Variants in TTC28 observed in about 807,000 individuals in gnomAD.
The protein encoded by TTC28 is tetratricopeptide repeat protein 28.
In TTC28, 61 loss-of-function variants were observed where a neutral mutation model predicts 198.0. That is an observed-to-expected ratio of 0.31 (90% CI 0.25 to 0.38). TTC28 has a LOEUF of 0.38. Among genes scored for constraint, TTC28 ranks in the 10% least tolerant of loss-of-function variants. TTC28 has a pLI of 1.00. For missense variants in TTC28, 2,678 were observed against 3,164.0 expected, an observed-to-expected ratio of 0.85 and a Z score of 3.69; for synonymous variants, 1,171 against 1,297.8, an observed-to-expected ratio of 0.90 and a Z score of 2.10.
At chr22:28,133,751 G>A (rs2146968912) in intron 6 of TTC28, among the ~76,000 whole-genome samples, 1 of 152,328 alleles carries the variant, frequency 6.6e-6, no homozygotes, top group East Asian at 1.9e-4. Context: ...GCTCAAGGAG[G>A]CCTGCCTGCC....
At chr22:28,214,051 T>C (rs977127719) in intron 5 of TTC28, among the ~76,000 whole-genome samples, 8 of 152,128 alleles carry the variant, frequency 5.3e-5, no homozygotes, top group Non-Finnish European at 1.0e-4. Context: ...GTTTAATAAA[T>C]GGTGCTGGGA....
At chr22:28,452,082 T>C (rs1230111050) in intron 2 of TTC28, among the ~76,000 whole-genome samples, 2 of 152,056 alleles carry the variant, frequency 1.3e-5, no homozygotes, top group Admixed American at 1.3e-4. Context: ...GCTTATTGAC[T>C]TGTGTGTTTT....
At chr22:28,658,146 A>G (rs1250959031) in intron 1 of TTC28, among the ~76,000 whole-genome samples, 1 of 152,210 alleles carries the variant, frequency 6.6e-6, no homozygotes. Flanking sequence ...ACAAAAAGTA[A>G]TAAAATATTA....
chr22:28,260,425 A>G (rs902700088), intron 5 of TTC28, among the ~76,000 whole-genome samples: 1 of 152,152 alleles, frequency 6.6e-6, no homozygotes, highest in African/African-American at 2.4e-5. Context: ...ACTAGAGAGG[A>G]ACCTTAACAG....
intron 6 of TTC28, among the ~76,000 whole-genome samples, chr22:28,162,836 G>A (rs1248336485): frequency 6.6e-6 from 1 of 152,148 alleles, no homozygotes; most frequent in Admixed American, 6.5e-5. Flanking sequence ...TGTCGTCCCA[G>A]CTACTCGGGA....
intron 6 of TTC28, among the ~76,000 whole-genome samples, chr22:28,153,244 A>T (rs530454268): frequency 8.0e-4 from 122 of 152,046 alleles, no homozygotes; most frequent in Admixed American, 2.9e-3. Context: ...AAATAAGAGG[A>T]ATAATATATA....
intron 2 of TTC28, among the ~76,000 whole-genome samples, chr22:28,348,884 C>A (rs1156860332): frequency 1.3e-5 from 2 of 152,192 alleles, no homozygotes; most frequent in Admixed American, 6.5e-5. Context: ...AAAGAATCGT[C>A]CCAGTCCTTT....
intron 2 of TTC28, among the ~76,000 whole-genome samples, chr22:28,587,884 G>A (rs927873723): frequency 6.6e-6 from 1 of 151,910 alleles, no homozygotes; most frequent in Non-Finnish European, 1.5e-5. Flanking sequence ...GCTCAAGCCT[G>A]TAATCCTAGC....
intron 13 of TTC28, among the ~76,000 whole-genome samples, chr22:28,029,702 G>A (rs901262794): frequency 2.0e-5 from 3 of 152,306 alleles, no homozygotes; most frequent in African/African-American, 7.2e-5. Context: ...GGCCTATTTG[G>A]TCAAGTGACA....
At chr22:28,164,554 C>T (rs923447820) in intron 5 of TTC28, among the ~76,000 whole-genome samples, 1 of 152,198 alleles carries the variant, frequency 6.6e-6, no homozygotes, top group Non-Finnish European at 1.5e-5. Context: ...GGACCTCCAG[C>T]AAACTCCAAC....
chr22:28,219,101 T>C (rs555256810), intron 5 of TTC28, among the ~76,000 whole-genome samples: 88 of 152,298 alleles, frequency 5.8e-4, no homozygotes, highest in Middle Eastern at 6.8e-3. Context: ...AAGACATTTT[T>C]GAAGTCAGTG....
intron 14 of TTC28, among the ~76,000 whole-genome samples, chr22:28,008,971 A>G (rs1938030173): frequency 6.6e-6 from 1 of 152,196 alleles, no homozygotes; most frequent in Non-Finnish European, 1.5e-5. Context: ...CTCTAATTTG[A>G]TTAAAAACTA....
At position 28,372,838 on chromosome 22, in the gene TTC28, T is replaced by C. The variant is rs569830953; in HGVS notation, c.382-66195A>G. On this transcript the variant is annotated intron_variant, in intron 2 of 22. Coordinates refer to ENST00000397906, the MANE Select transcript of TTC28 (RefSeq NM_001145418.2). ...GAGAATGGGGCCATAAACCACACAC[T>C]GACTGACCAAATGACCTTGGACAAA... 6.6e-5 allele frequency among the ~76,000 whole-genome samples: 10 copies of C among 152,298 alleles called. No homozygotes were observed. The South Asian group carries it at 1.9e-3, about 28-fold the overall frequency.
At chr22:28,207,224 G>A (rs5762520) in intron 5 of TTC28, among the ~76,000 whole-genome samples, 70,743 of 125,338 alleles carry the variant, frequency 0.56, 18,002 homozygotes, top group South Asian at 0.65. Flanking sequence ...TAAGCAGATG[G>A]AAAAAAAAAA....
At chr22:28,584,733 T>C (rs2050288168) in intron 2 of TTC28, among the ~76,000 whole-genome samples, 1 of 152,240 alleles carries the variant, frequency 6.6e-6, no homozygotes, top group Non-Finnish European at 1.5e-5. Flanking sequence ...TTTACTTCAT[T>C]TTGCAGGTGA....
intron 2 of TTC28, among the ~76,000 whole-genome samples, chr22:28,496,306 C>T (rs2048454632): frequency 6.6e-6 from 1 of 152,122 alleles, no homozygotes; most frequent in Non-Finnish European, 1.5e-5. Context: ...TCCGACCTCT[C>T]CCCTTAGGTG....
chr22:28,297,955 T>C (rs2044933780), intron 3 of TTC28, 103 bp from the exon 4 acceptor site: 1 of 1,312,154 alleles, frequency 7.6e-7, no homozygotes, highest in Non-Finnish European at 1.0e-6. Flanking sequence ...ATCATATCTT[T>C]TGTGGCTTAT....
intron 5 of TTC28, among the ~76,000 whole-genome samples, chr22:28,254,052 C>A (rs1042500440): frequency 8.1e-5 from 12 of 148,852 alleles, no homozygotes; most frequent in Non-Finnish European, 1.8e-4. Context: ...TGCAGTGAGC[C>A]GAGATAACAC....
intron 5 of TTC28, among the ~76,000 whole-genome samples, chr22:28,294,339 A>G (rs192395773): frequency 1.6e-4 from 25 of 152,288 alleles, no homozygotes; most frequent in Admixed American, 7.2e-4. Context: ...GTTATAAAAC[A>G]TGACGTAAAT....
Sources: allele counts gnomAD v4.1 joint callset (sites outside exome capture counted in the v4.1 genomes callset), GRCh38; gene constraint gnomAD v4.1.1; transcripts MANE v1.5; gene names NCBI Gene and HGNC (gene_info 2026-07-23, HGNC 2026-07-21).